The following SPINK5 variants were observed in gnomAD, a reference collection of about 807,000 sequenced individuals.
SPINK5 encodes the protein serine peptidase inhibitor Kazal type 5.
SPINK5 carries 125 observed loss-of-function variants against 151.8 expected under a neutral mutation model. The observed-to-expected ratio is 0.82, with a 90% CI of 0.71 to 0.96. SPINK5 has a LOEUF of 0.96. Ranked by LOEUF, SPINK5 falls within the 40% of genes least tolerant of loss-of-function variation. The probability of loss-of-function intolerance (pLI) is 0.00; values close to 1 mark genes in which losing one functional copy is unlikely to be tolerated. For missense variants in SPINK5, 1,194 were observed against 1,291.9 expected (o/e 0.92, Z 1.16); for synonymous variants, 374 against 395.3 (o/e 0.95, Z 0.64).
At chr5:148,072,408 G>T (rs1431626751) in intron 4 of SPINK5, among the ~76,000 whole-genome samples, 188 bp downstream of exon 4, 1 of 151,712 alleles carries the variant, frequency 6.6e-6, no homozygotes, top group Non-Finnish European at 1.5e-5. Flanking sequence ...CCCAACCCAT[G>T]ATCCGACTCT....
At chr5:148,065,479 G>C (rs375785536) in intron 2 of SPINK5, 107 bp downstream of exon 2, 2 of 1,201,346 alleles carry the variant, frequency 1.7e-6, no homozygotes, top group Non-Finnish European at 2.4e-6. Flanking sequence ...TATACTGGTA[G>C]GTACTAATAG....
At chr5:148,113,028 G>T (rs970076128) in intron 20 of SPINK5, 94 bp downstream of exon 20, 1 of 1,559,134 alleles carries the variant, frequency 6.4e-7, no homozygotes, top group Admixed American at 1.9e-5. Context: ...CCCCAGTTGT[G>T]AGGGAACTAG....
chr5:148,102,959 G>A (rs1033344878), intron 15 of SPINK5, among the ~76,000 whole-genome samples: 1 of 151,956 alleles, frequency 6.6e-6, no homozygotes, highest in African/African-American at 2.4e-5. Context: ...CTTCAAAAAC[G>A]TGACTAGGCT....
Position 148,086,444 on chromosome 5 carries a change from G to T in SPINK5, c.322G>T (p.Asp108Tyr), listed in dbSNP as rs1753155910. The change falls in exon 5 of 33, where the codon GAT (aspartate) becomes TAT (tyrosine). Residue 108 changes from aspartate (D) to tyrosine (Y), a missense_variant. Coordinates refer to ENST00000256084, the MANE Select transcript of SPINK5 (RefSeq NM_006846.4). ...DDFKKGERDGDFICPDYYEAV... is the reference protein window; with the variant it reads ...DDFKKGERDGYFICPDYYEAV... ...TTTTAAAAAAGGAGAAAGAGATGGG[G>T]ATTTTATCTGTCCTGATTATTATGA... 6.2e-7 allele frequency: 1 copy of T among 1,611,724 alleles called. No homozygotes were observed. Among genetic ancestry groups the T allele is most frequent in the Non-Finnish European group, 8.5e-7 (1 of 1,178,668 alleles).
chr5:148,079,984 A>G (rs980104040), intron 4 of SPINK5, among the ~76,000 whole-genome samples: 1 of 151,100 alleles, frequency 6.6e-6, no homozygotes, highest in Non-Finnish European at 1.5e-5. Flanking sequence ...TAATTCCAAA[A>G]CATGATACCA....
rs114419114 is a variant in SPINK5 at position 148,079,156 on chromosome 5, C to T, written c.282+6936C>T. Among the ~76,000 whole-genome samples the T allele has an allele frequency of 9.8e-3, 1,480 of 150,916 alleles. 33 individuals carry two copies. The highest frequency in any genetic ancestry group is 0.034 in the African/African-American group (1,409 of 41,350). ...AATATTATGAAAAATATTATGCCAC[C>T]ACATTAAATAACTTAGATGAAATAG... On this transcript the variant is annotated intron_variant, in intron 4 of 32. Coordinates refer to ENST00000256084, the MANE Select transcript of SPINK5 (RefSeq NM_006846.4).
intron 5 of SPINK5, among the ~76,000 whole-genome samples, chr5:148,087,849 GA>G (rs1477970074): frequency 2.0e-5 from 3 of 151,746 alleles, no homozygotes; most frequent in Non-Finnish European, 4.4e-5. Flanking sequence ...CAATAAAATT[GA>G]AAATTTTATT....
chr5:148,095,530 T>TA (rs1753432299), intron 9 of SPINK5, among the ~76,000 whole-genome samples: 1 of 151,924 alleles, frequency 6.6e-6, no homozygotes, highest in South Asian at 2.1e-4. Context: ...GCAATAGACA[T>TA]AGCGCTCATT....
At chr5:148,110,226 A>G (rs1447687538) in intron 18 of SPINK5, among the ~76,000 whole-genome samples, 1 of 152,184 alleles carries the variant, frequency 6.6e-6, no homozygotes, top group African/African-American at 2.4e-5. Context: ...AGTGTCACAC[A>G]TATCTTAAGT....
chr5:148,065,275 A>C (rs1307471292), intron 1 of SPINK5, 72 bp from the exon 2 acceptor site: 11 of 1,519,704 alleles, frequency 7.2e-6, no homozygotes, highest in Non-Finnish European at 9.0e-6. Flanking sequence ...ATGCTGCATT[A>C]AATGGATTAT....
intron 17 of SPINK5, 22 bp downstream of exon 17, chr5:148,107,186 C>T (rs1179428249): frequency 1.2e-6 from 2 of 1,608,926 alleles, no homozygotes; most frequent in South Asian, 2.2e-5. Flanking sequence ...CCCCATCTCT[C>T]CCACTGAATT....
At chr5:148,067,924 CTT>C (rs1229859297) in intron 2 of SPINK5, among the ~76,000 whole-genome samples, 1 of 152,106 alleles carries the variant, frequency 6.6e-6, no homozygotes, top group Non-Finnish European at 1.5e-5. Context: ...TGATGCTACT[CTT>C]TTATGATAAG....
intron 1 of SPINK5, 68 bp from the exon 2 acceptor site, chr5:148,065,279 G>T: frequency 6.5e-7 from 1 of 1,538,094 alleles, no homozygotes; most frequent in Non-Finnish European, 8.9e-7. Flanking sequence ...TGCATTAAAT[G>T]GATTATTTGT....
intron 4 of SPINK5, among the ~76,000 whole-genome samples, chr5:148,082,364 T>G (rs1753041982): frequency 6.6e-6 from 1 of 151,134 alleles, no homozygotes; most frequent in Non-Finnish European, 1.5e-5. Context: ...ATTTATACTT[T>G]AAGTATTTCT....
chr5:148,117,113 G>A (rs895181918), intron 22 of SPINK5, among the ~76,000 whole-genome samples: 16 of 152,234 alleles, frequency 1.1e-4, no homozygotes, highest in Admixed American at 5.9e-4. Flanking sequence ...AATTGCAGTC[G>A]CCTTATTTAT....
chr5:148,073,321 G>T (rs907949505), intron 4 of SPINK5, among the ~76,000 whole-genome samples: 2 of 151,914 alleles, frequency 1.3e-5, no homozygotes, highest in African/African-American at 4.8e-5. Flanking sequence ...GAGAACCTCA[G>T]CCTCCACAGT....
chr5:148,121,308 A>C (rs1399626479), intron 26 of SPINK5, among the ~76,000 whole-genome samples: 1 of 124,746 alleles, frequency 8.0e-6, no homozygotes, highest in Admixed American at 9.1e-5. Context: ...TACACAGCAC[A>C]ATCTTTTAAT....
At chr5:148,126,674 C>T (rs904535115) in intron 29 of SPINK5, among the ~76,000 whole-genome samples, 6 of 152,090 alleles carry the variant, frequency 3.9e-5, no homozygotes, top group African/African-American at 1.4e-4. Flanking sequence ...TCACTGCAAC[C>T]TCTGCCTCCT....
chr5:148,102,255 TAATC>T (rs1753667517), intron 15 of SPINK5, among the ~76,000 whole-genome samples: 1 of 152,192 alleles, frequency 6.6e-6, no homozygotes, highest in African/African-American at 2.4e-5. Flanking sequence ...GAGGAAATGT[TAATC>T]AAAGGGTGCA....
Sources: allele counts gnomAD v4.1 joint callset (sites outside exome capture counted in the v4.1 genomes callset), GRCh38; gene constraint gnomAD v4.1.1; transcripts MANE v1.5; gene names NCBI Gene and HGNC (gene_info 2026-07-23, HGNC 2026-07-21).